SGK1: variants seen among roughly 807,000 people sequenced by gnomAD.
SGK1 encodes the protein serum/glucocorticoid regulated kinase 1.
A neutral mutation model predicts 64.2 loss-of-function variants in SGK1; 26 were observed. That is an observed-to-expected ratio of 0.40 (90% CI 0.30 to 0.56). The LOEUF is 0.56. Among genes scored for constraint, SGK1 ranks in the 20% least tolerant of loss-of-function variants. The probability of loss-of-function intolerance (pLI) is 0.38; values close to 1 mark genes in which losing one functional copy is unlikely to be tolerated. For synonymous variants in SGK1, 265 were observed against 239.7 expected, an observed-to-expected ratio of 1.11 and a Z score of -0.98; for missense variants, 519 against 645.6, an observed-to-expected ratio of 0.80 and a Z score of 2.12.
chr6:134,220,878 AG>A (rs916339920), intron 2 of SGK1, among the ~76,000 whole-genome samples: 61 of 151,882 alleles, frequency 4.0e-4, no homozygotes, highest in African/African-American at 1.4e-3. Flanking sequence ...GCTACTCTGG[AG>A]GCTGAGGCAG....
chr6:134,171,300 C>T (rs1027732767), intron 11 of SGK1, 122 bp from the exon 12 acceptor site: 4 of 911,850 alleles, frequency 4.4e-6, no homozygotes. Flanking sequence ...CTCTCCCCAC[C>T]TCAATGCTTT....
At chr6:134,200,093 G>A (rs930462146) in intron 3 of SGK1, among the ~76,000 whole-genome samples, 6 of 152,164 alleles carry the variant, frequency 3.9e-5, no homozygotes, top group Non-Finnish European at 1.5e-5. Flanking sequence ...TGCAGGACCA[G>A]CGATTGAAAA....
chr6:134,197,492 G>C (rs1433815785), intron 3 of SGK1, among the ~76,000 whole-genome samples: 1 of 152,118 alleles, frequency 6.6e-6, no homozygotes, highest in Non-Finnish European at 1.5e-5. Context: ...AGCAGCTATT[G>C]TTATGTTGAG....
At chr6:134,266,745 T>C (rs915197808) in intron 1 of SGK1, among the ~76,000 whole-genome samples, 1 of 152,346 alleles carries the variant, frequency 6.6e-6, no homozygotes, top group African/African-American at 2.4e-5. Flanking sequence ...CGCTGATTCA[T>C]TAATGGAAGT....
intron 1 of SGK1, among the ~76,000 whole-genome samples, chr6:134,275,254 C>A (rs986486728): frequency 6.6e-5 from 10 of 151,742 alleles, no homozygotes; most frequent in Non-Finnish European, 1.2e-4. Context: ...ACTATGTTGC[C>A]CACACTGGTC....
At chr6:134,313,688 G>A (rs1562282357) in intron 1 of SGK1, among the ~76,000 whole-genome samples, 1 of 152,082 alleles carries the variant, frequency 6.6e-6, no homozygotes, top group African/African-American at 2.4e-5. Flanking sequence ...GAGAATTTCT[G>A]AGGTTCATTC....
chr6:134,292,306 CA>C (rs768112846), intron 1 of SGK1, among the ~76,000 whole-genome samples: 2 of 152,058 alleles, frequency 1.3e-5, no homozygotes, highest in Admixed American at 6.6e-5. Context: ...AAATGAAGCC[CA>C]GGGGGCCGGG....
intron 3 of SGK1, among the ~76,000 whole-genome samples, chr6:134,196,821 T>C (rs1409969644): frequency 6.6e-6 from 1 of 152,222 alleles, no homozygotes; most frequent in East Asian, 1.9e-4. Context: ...GATTAAGTCT[T>C]CAAAAAGACT....
chr6:134,302,022 T>G (rs1444556230), intron 1 of SGK1, among the ~76,000 whole-genome samples: 1 of 152,214 alleles, frequency 6.6e-6, no homozygotes, highest in Non-Finnish European at 1.5e-5. Flanking sequence ...TTTGAGGCCT[T>G]AATGAGAAAT....
In SGK1 at chr6:134,317,583, A is replaced by C. The variant is rs1003742840; in HGVS notation, c.-123T>G. Reference sequence around the variant, plus strand: ...GAAGACTGAGCGGGATGGAGAATCTAGCGGGGCTCAGTTCTTCACTCGCGC... The same window carrying C: ...GAAGACTGAGCGGGATGGAGAATCTCGCGGGGCTCAGTTCTTCACTCGCGC... On this transcript the variant is annotated 5_prime_UTR_variant, in exon 1 of 14. Transcript: ENST00000367858. 6 of 732,770 alleles carry C rather than the reference A, an allele frequency of 8.2e-6. No homozygotes were observed. In the Admixed American group the frequency reaches 1.2e-4, roughly 14 times the overall value. The allele number at this position is 732,770 out of a possible 1,614,324, so 45.4% of individuals were successfully genotyped here.
chr6:134,267,133 C>G, intron 1 of SGK1, among the ~76,000 whole-genome samples: 1 of 152,056 alleles, frequency 6.6e-6, no homozygotes, highest in East Asian at 1.9e-4. Flanking sequence ...TCCCTGAACA[C>G]CCGCACTCTA....
intron 1 of SGK1, among the ~76,000 whole-genome samples, chr6:134,301,954 TACGAA>T (rs918106551): frequency 3.5e-4 from 53 of 152,176 alleles, no homozygotes; most frequent in African/African-American, 1.3e-3. Flanking sequence ...GCAAAAGAAA[TACGAA>T]ACAAAAGAGC....
chr6:134,188,434 G>T (rs1775456478), intron 3 of SGK1, among the ~76,000 whole-genome samples: 2 of 152,120 alleles, frequency 1.3e-5, no homozygotes, highest in Admixed American at 6.6e-5. Context: ...CACTGTGCGG[G>T]TATCTTTTCA....
chr6:134,226,365 TC>T lies in SGK1; in HGVS notation c.286-18935del, dbSNP rs1225845325. ...CCTCATCCAAAAAGGTGTTTTTTTT[TC>T]TTTTACTTTTAAAGATTTTTATTTT... is the stretch of plus-strand genomic sequence containing the variant. On this transcript the variant is annotated intron_variant, in intron 2 of 13. Transcript: ENST00000367858. Among the ~76,000 whole-genome samples the T allele has an allele frequency of 7.4e-4, 112 of 151,826 alleles. 1 individual carries two copies. Among genetic ancestry groups the T allele is most frequent in the Non-Finnish European group, 4.1e-4 (28 of 67,966 alleles).
chr6:134,219,460 TATATCA>T (rs1208551662), intron 2 of SGK1, among the ~76,000 whole-genome samples: 6 of 152,146 alleles, frequency 3.9e-5, no homozygotes, highest in Admixed American at 3.9e-4. Context: ...GTTTGCATTC[TATATCA>T]AAACATATAA....
At chr6:134,262,235 G>A (rs751289772) in intron 1 of SGK1, 87 bp from the exon 2 acceptor site, 41 of 935,094 alleles carry the variant, frequency 4.4e-5, no homozygotes, top group Non-Finnish European at 6.7e-5. Flanking sequence ...CTGGTGGGAT[G>A]GGAGCTCATG....
intron 3 of SGK1, among the ~76,000 whole-genome samples, chr6:134,189,223 T>TGTGTGTGTGC (rs751805559): frequency 0.029 from 4,316 of 149,736 alleles, 183 homozygotes; most frequent in African/African-American, 0.092. Context: ...TGTGTGTGTG[T>TGTGTGTGTGC]GTGTGCGTGT....
chr6:134,192,741 T>G (rs992638464), intron 3 of SGK1, among the ~76,000 whole-genome samples: 1 of 152,072 alleles, frequency 6.6e-6, no homozygotes, highest in Non-Finnish European at 1.5e-5. Context: ...GGCTAATTTT[T>G]GTACTGTTGT....
intron 1 of SGK1, among the ~76,000 whole-genome samples, chr6:134,314,358 T>G (rs1435911899): frequency 1.0e-4 from 15 of 145,626 alleles, no homozygotes; most frequent in Admixed American, 2.1e-4. Context: ...GGGAGGGGGG[T>G]AGGGGGACAG....
Sources: gnomAD v4.1 joint callset for allele counts (sites outside exome capture counted in the v4.1 genomes callset) on GRCh38, gnomAD v4.1.1 for gene constraint, MANE v1.5 for transcripts, NCBI Gene and HGNC (gene_info 2026-07-23, HGNC 2026-07-21) for gene names.